Variants in AFDN observed in about 807,000 individuals in gnomAD.
AFDN encodes the protein afadin.
Under a neutral mutation model 216.6 loss-of-function variants are expected in AFDN, and 68 were observed. That is an observed-to-expected ratio of 0.31 (90% confidence interval 0.26 to 0.38). The LOEUF (loss-of-function observed/expected upper bound fraction) is 0.38. Among genes scored for constraint, AFDN ranks in the 10% least tolerant of loss-of-function variants. The pLI, the probability that AFDN is intolerant of heterozygous loss-of-function variation, is 1.00. For synonymous variants in AFDN, 868 were observed against 853.7 expected, an observed-to-expected ratio of 1.02 and a Z score of -0.29; for missense variants, 2,136 against 2,342.0, an observed-to-expected ratio of 0.91 and a Z score of 1.82.
At position 167,827,152 on chromosome 6, in the gene AFDN, A is replaced by G; in HGVS notation, c.20A>G (p.Asp7Gly). 1 of 1,294,278 alleles carries G rather than the reference A, an allele frequency of 7.7e-7. No homozygotes were observed. The highest frequency in any genetic ancestry group is 1.0e-6 in the Non-Finnish European group (1 of 992,948). 80.2% of individuals were successfully genotyped at this position (1,294,278 alleles called of 1,614,324 possible). A position where few individuals can be genotyped will look rare whatever the true frequency, so the allele number is the denominator to read the frequency against. The change falls in exon 1 of 34, where the codon GAC becomes GGC. Residue 7 changes from aspartate (D) to glycine (G), a missense_variant. By Grantham distance (94) the Asp-to-Gly change is moderately conservative. Transcript: ENST00000683244. MSAGGR[D>G]EERRKLADII... ...AGGACCATGTCGGCGGGCGGCCGTG[A>G]CGAGGAGCGGCGGAAGCTGGCCGAC...
At chr6:167,830,096 G>A (rs375128004) in intron 1 of AFDN, among the ~76,000 whole-genome samples, 2 of 152,312 alleles carry the variant, frequency 1.3e-5, no homozygotes, top group South Asian at 4.1e-4. Flanking sequence ...ACTATGAAAA[G>A]CTGTAGCTCA....
At chr6:167,877,520 TG>T (rs1470251377) in intron 5 of AFDN, among the ~76,000 whole-genome samples, 9 of 152,074 alleles carry the variant, frequency 5.9e-5, no homozygotes, top group Non-Finnish European at 1.3e-4. Flanking sequence ...AAGGGGTGAT[TG>T]GGGGTAGAAG....
chr6:167,953,876 T>C (rs1002475877), intron 30 of AFDN, among the ~76,000 whole-genome samples: 3 of 152,228 alleles, frequency 2.0e-5, no homozygotes, highest in Admixed American at 1.3e-4. Flanking sequence ...GTCTTTTCCT[T>C]CGCTGCATTT....
chr6:167,868,192 G>A (rs908715617), intron 2 of AFDN, among the ~76,000 whole-genome samples: 9 of 152,086 alleles, frequency 5.9e-5, no homozygotes, highest in Non-Finnish European at 1.2e-4. Context: ...TACTAATACA[G>A]CAAAGTACTG....
intron 18 of AFDN, 42 bp from the exon 19 acceptor site, chr6:167,915,126 A>T: frequency 6.2e-7 from 1 of 1,602,536 alleles, no homozygotes; most frequent in Non-Finnish European, 8.5e-7. Context: ...TTCTTCCTGG[A>T]TGACATTTTG....
chr6:167,857,697 G>T (rs1166728579), intron 1 of AFDN, among the ~76,000 whole-genome samples: 1 of 151,928 alleles, frequency 6.6e-6, no homozygotes, highest in African/African-American at 2.4e-5. Flanking sequence ...TTCAAAATCC[G>T]AGCTGTATGA....
chr6:167,964,394 TC>T (rs2128753658), intron 31 of AFDN: 1 of 1,064,842 alleles, frequency 9.4e-7, no homozygotes, highest in South Asian at 4.6e-5. Flanking sequence ...TCTTGATAGT[TC>T]CATTTAAAAG....
At position 167,902,309 on chromosome 6, in the gene AFDN, C is replaced by T; in HGVS notation, c.1581-8C>T. The T allele has an allele frequency of 6.2e-7, 1 of 1,605,014 alleles. No homozygotes were observed. Among genetic ancestry groups the T allele is most frequent in the Non-Finnish European group, 8.5e-7 (1 of 1,172,384 alleles). ...TAAGTCAGTGTGTTTCTTGTTTTATCCCATCAGAATTGTTCAGGAGACAAC... is the reference window on the plus strand; with the variant it reads ...TAAGTCAGTGTGTTTCTTGTTTTATTCCATCAGAATTGTTCAGGAGACAAC... On this transcript the variant is annotated splice_polypyrimidine_tract_variant and splice_region_variant and intron_variant, in intron 11 of 33. Coordinates refer to ENST00000683244, the MANE Select transcript of AFDN (RefSeq NM_001386888.1).
At chr6:167,909,931 T>C (rs1254850202) in intron 13 of AFDN, among the ~76,000 whole-genome samples, 2 of 152,330 alleles carry the variant, frequency 1.3e-5, no homozygotes, top group East Asian at 3.9e-4. Flanking sequence ...CATTGAAATG[T>C]TAAGGAAGCT....
chr6:167,939,648 A>G (rs1176598501), intron 23 of AFDN, among the ~76,000 whole-genome samples: 7 of 152,208 alleles, frequency 4.6e-5, no homozygotes, highest in Non-Finnish European at 8.8e-5. Context: ...CCGTGAATGA[A>G]ATTGTCGTTT....
At chr6:167,913,545 C>A in intron 16 of AFDN, 122 bp downstream of exon 16, 1 of 880,142 alleles carries the variant, frequency 1.1e-6, no homozygotes, top group Non-Finnish European at 1.8e-6. Flanking sequence ...CATTCAGCAA[C>A]TGAGACATGC....
At chr6:167,915,712 CAG>C (rs1217863885) in intron 19 of AFDN, among the ~76,000 whole-genome samples, 1 of 152,152 alleles carries the variant, frequency 6.6e-6, no homozygotes, top group Admixed American at 6.5e-5. Context: ...AATAAAAATT[CAG>C]AGTTAGAAAT....
intron 1 of AFDN, among the ~76,000 whole-genome samples, chr6:167,833,202 C>T (rs1410136313): frequency 6.6e-6 from 1 of 152,162 alleles, no homozygotes; most frequent in Non-Finnish European, 1.5e-5. Flanking sequence ...CTGAAAAGTA[C>T]ATATTGCAGT....
rs1242296964 is a variant in AFDN at position 167,911,174 on chromosome 6, C to G, written c.1831+12C>G. On this transcript the variant is annotated intron_variant, in intron 14 of 33. Coordinates refer to ENST00000683244, the MANE Select transcript of AFDN (RefSeq NM_001386888.1). ...ATTCAGGGAAAGTTGTGAGTAATTT[C>G]AGATTTCATTGTCAATGAATTATTT... is the stretch of plus-strand genomic sequence containing the variant. The G allele has an allele frequency of 1.2e-6, 2 of 1,612,506 alleles. No individual in the cohort carries two copies. The highest frequency in any genetic ancestry group is 1.7e-6 in the Non-Finnish European group (2 of 1,178,678).
intron 3 of AFDN, among the ~76,000 whole-genome samples, chr6:167,871,381 A>G (rs1377216731): frequency 2.0e-5 from 3 of 152,092 alleles, no homozygotes; most frequent in Non-Finnish European, 4.4e-5. Context: ...CATTCTGTAT[A>G]TTTTGCTATG....
At chr6:167,910,634 C>T (rs1790266205) in intron 13 of AFDN, among the ~76,000 whole-genome samples, 1 of 152,174 alleles carries the variant, frequency 6.6e-6, no homozygotes, top group African/African-American at 2.4e-5. Flanking sequence ...CCGTGGTCAG[C>T]TTGTCTAACC....
At chr6:167,881,757 G>T (rs150914957) in intron 6 of AFDN, among the ~76,000 whole-genome samples, 1 of 152,324 alleles carries the variant, frequency 6.6e-6, no homozygotes, top group East Asian at 1.9e-4. Context: ...GTAGCACAAG[G>T]TGACAAGGGT....
At chr6:167,865,475 T>A (rs1370041145) in intron 2 of AFDN, among the ~76,000 whole-genome samples, 2 of 151,760 alleles carry the variant, frequency 1.3e-5, no homozygotes, top group Non-Finnish European at 2.9e-5. Flanking sequence ...TAGCTAGGCA[T>A]GATGGCACAT....
intron 2 of AFDN, among the ~76,000 whole-genome samples, chr6:167,866,267 A>G (rs1260227262): frequency 6.6e-6 from 1 of 152,210 alleles, no homozygotes; most frequent in Admixed American, 6.5e-5. Context: ...TGGTTAAAGA[A>G]GAAGGAAATA....
Sources: allele counts gnomAD v4.1 joint callset (sites outside exome capture counted in the v4.1 genomes callset), GRCh38; gene constraint gnomAD v4.1.1; transcripts MANE v1.5; gene names NCBI Gene and HGNC (gene_info 2026-07-23, HGNC 2026-07-21).